The following ESYT2 variants were observed in gnomAD, a reference collection of about 807,000 sequenced individuals.
ESYT2 encodes the protein extended synaptotagmin-2.
Under a neutral mutation model 107.2 loss-of-function variants are expected in ESYT2, and 54 were observed. That is an observed-to-expected ratio of 0.50 (90% CI 0.40 to 0.63). ESYT2 has a LOEUF of 0.63. ESYT2 is among the 30% of genes least tolerant of loss of function. The pLI is 0.00. For synonymous variants in ESYT2, 491 were observed against 434.1 expected (o/e 1.13, Z -1.63); for missense variants, 1,020 against 1,094.5 (o/e 0.93, Z 0.96).
chr7:158,805,711 G>C (rs1839806513), intron 1 of ESYT2, among the ~76,000 whole-genome samples: 1 of 152,094 alleles, frequency 6.6e-6, no homozygotes, highest in African/African-American at 2.4e-5. Flanking sequence ...ATCTGTTTAA[G>C]GTCATTTCTT....
At chr7:158,814,159 A>G (rs1202567850) in intron 1 of ESYT2, among the ~76,000 whole-genome samples, 1 of 151,698 alleles carries the variant, frequency 6.6e-6, no homozygotes, top group Non-Finnish European at 1.5e-5. Flanking sequence ...CTGTAGTCCC[A>G]GCTACTCGGA....
At chr7:158,759,967 A>G in intron 12 of ESYT2, 91 bp downstream of exon 12, 1 of 1,165,972 alleles carries the variant, frequency 8.6e-7, no homozygotes, top group South Asian at 1.3e-5. Flanking sequence ...TAATTGTTAA[A>G]AAATCAAGTA....
chr7:158,749,241 G>T (rs886433576), intron 15 of ESYT2, among the ~76,000 whole-genome samples: 3 of 152,036 alleles, frequency 2.0e-5, no homozygotes, highest in Non-Finnish European at 4.4e-5. Context: ...CGAGTAGCTG[G>T]GATTACAGGC....
At chr7:158,782,620 A>G (rs1403727251) in intron 6 of ESYT2, among the ~76,000 whole-genome samples, 1 of 146,080 alleles carries the variant, frequency 6.8e-6, no homozygotes, top group Admixed American at 7.0e-5. Context: ...GACAAATGAG[A>G]ACATGTGAAG....
chr7:158,738,375 ACACT>A (rs1400038309), intron 19 of ESYT2, among the ~76,000 whole-genome samples: 1 of 133,354 alleles, frequency 7.5e-6, no homozygotes, highest in African/African-American at 2.8e-5. Flanking sequence ...ACACACACAC[ACACT>A]CTTCCTGCTC....
chr7:158,771,929 G>A (rs969805508), intron 7 of ESYT2, among the ~76,000 whole-genome samples: 1 of 152,050 alleles, frequency 6.6e-6, no homozygotes, highest in East Asian at 1.9e-4. Flanking sequence ...GACCAGCCTG[G>A]CCAACATGGC....
intron 13 of ESYT2, among the ~76,000 whole-genome samples, chr7:158,758,477 C>T (rs1363181208): frequency 6.6e-6 from 1 of 152,136 alleles, no homozygotes; most frequent in Non-Finnish European, 1.5e-5. Flanking sequence ...CGCTTCTTTG[C>T]CTTCTTGTCT....
chr7:158,825,720 A>G (rs528511362), intron 1 of ESYT2, among the ~76,000 whole-genome samples: 1 of 152,192 alleles, frequency 6.6e-6, no homozygotes, highest in Non-Finnish European at 1.5e-5. Flanking sequence ...GTATCTCCTT[A>G]ATTCATGTTT....
Position 158,734,269 on chromosome 7 carries a change from C to G in ESYT2, c.2556-17G>C. 1 of 1,614,084 alleles carries G rather than the reference C, an allele frequency of 6.2e-7. No homozygotes were observed. Among genetic ancestry groups the G allele is most frequent in the Non-Finnish European group, 8.5e-7 (1 of 1,180,012 alleles). ...AGGTCATACCTGAGAAAGACAGTGA[C>G]AGGAAGGTGGTGACGGATACAGGAC... On this transcript the variant is annotated splice_polypyrimidine_tract_variant and intron_variant, in intron 22 of 22. Transcript: ENST00000275418.
At chr7:158,821,409 TG>T (rs1255357890) in intron 1 of ESYT2, among the ~76,000 whole-genome samples, 1 of 152,252 alleles carries the variant, frequency 6.6e-6, no homozygotes, top group Non-Finnish European at 1.5e-5. Flanking sequence ...TAATTTTGGC[TG>T]TGAGTTTTCT....
intron 1 of ESYT2, among the ~76,000 whole-genome samples, chr7:158,823,708 T>C (rs924144140): frequency 1.3e-5 from 2 of 152,158 alleles, no homozygotes; most frequent in African/African-American, 4.8e-5. Flanking sequence ...AACAGTTTGA[T>C]GGTTTTTAGT....
At chr7:158,760,423 A>G (rs1233237137) in intron 11 of ESYT2, among the ~76,000 whole-genome samples, 1 of 152,226 alleles carries the variant, frequency 6.6e-6, no homozygotes, top group Non-Finnish European at 1.5e-5. Flanking sequence ...CTAAGCAAGT[A>G]CTAGTATCAT....
chr7:158,797,537 T>C (rs1203777345), intron 3 of ESYT2, among the ~76,000 whole-genome samples: 1 of 150,810 alleles, frequency 6.6e-6, no homozygotes, highest in Non-Finnish European at 1.5e-5. Context: ...TGAGGCCCCG[T>C]CTGAAAAAAA....
At position 158,734,185 on chromosome 7, in the gene ESYT2, G is replaced by A; in HGVS notation, c.*22C>T. 6.2e-7 allele frequency: 1 copy of A among 1,613,984 alleles called. No individual in the cohort carries two copies. Among genetic ancestry groups the A allele is most frequent in the African/African-American group, 1.3e-5 (1 of 75,028 alleles). The stretch of plus-strand genomic sequence containing the variant: ...TAGAGGTGGAGAGCTACGCTGAAGA[G>A]GACGCCTCCTGCCTGCTGCGGCTAT... On this transcript the variant is annotated 3_prime_UTR_variant, in exon 23 of 23. Transcript: ENST00000275418.
At chr7:158,826,012 T>C (rs1840428244) in intron 1 of ESYT2, among the ~76,000 whole-genome samples, 1 of 143,906 alleles carries the variant, frequency 6.9e-6, no homozygotes, top group Middle Eastern at 3.3e-3. Context: ...CGGTAAGAAC[T>C]CATCTCTAGA....
intron 4 of ESYT2, 22 bp downstream of exon 4, chr7:158,793,628 A>T (rs761934222): frequency 6.4e-7 from 1 of 1,559,296 alleles, no homozygotes; most frequent in South Asian, 1.1e-5. Context: ...CCATAACACA[A>T]ATATAACAAA....
At chr7:158,745,545 C>T (rs1024007120) in intron 16 of ESYT2, among the ~76,000 whole-genome samples, 1 of 152,212 alleles carries the variant, frequency 6.6e-6, no homozygotes, top group African/African-American at 2.4e-5. Flanking sequence ...CAGAAAGGCA[C>T]ACAGCCTACA....
intron 6 of ESYT2, among the ~76,000 whole-genome samples, chr7:158,782,380 A>AGAG (rs1290460606): frequency 2.6e-4 from 5 of 19,536 alleles, no homozygotes; most frequent in Non-Finnish European, 4.5e-4. Context: ...GTGAGAACAA[A>AGAG]GTGAGGTAAG....
rs548236211 is a variant in ESYT2 at position 158,784,269 on chromosome 7, T to C, written c.747+3735A>G. On this transcript the variant is annotated intron_variant, in intron 6 of 22. Coordinates refer to ENST00000275418, the MANE Select transcript of ESYT2 (RefSeq NM_001367773.1). ...GTTACTAACGTGTGGTCTGAGTCTGTGGATGTGCCTGTGGCCCTGACTCTG... is the reference window on the plus strand; with the variant it reads ...GTTACTAACGTGTGGTCTGAGTCTGCGGATGTGCCTGTGGCCCTGACTCTG... 9.8e-5 allele frequency among the ~76,000 whole-genome samples: 15 copies of C among 152,376 alleles called. No individual in the cohort carries two copies. The South Asian group carries it at 3.1e-3, about 32-fold the overall frequency.
Sources: allele counts gnomAD v4.1 joint callset (sites outside exome capture counted in the v4.1 genomes callset), GRCh38; gene constraint gnomAD v4.1.1; transcripts MANE v1.5; gene names NCBI Gene and HGNC (gene_info 2026-07-23, HGNC 2026-07-21).